PPP2R2B: variants seen among roughly 807,000 people sequenced by gnomAD.
The protein encoded by PPP2R2B is serine/threonine-protein phosphatase 2A 55 kDa regulatory subunit B beta isoform.
PPP2R2B carries 5 observed loss-of-function variants against 46.0 expected under a neutral mutation model. The ratio of observed to expected loss-of-function variants is 0.11; its 90% CI spans 0.06 to 0.23. The LOEUF (loss-of-function observed/expected upper bound fraction) is 0.23. Among genes scored for constraint, PPP2R2B ranks in the 10% least tolerant of loss-of-function variants. The probability of loss-of-function intolerance (pLI) is 1.00; values close to 1 mark genes in which losing one functional copy is unlikely to be tolerated. For synonymous variants in PPP2R2B, 215 were observed against 206.7 expected (o/e 1.04, Z -0.34); for missense variants, 367 against 575.0 (o/e 0.64, Z 3.70).
chr5:146,983,176 A>ATTTTTTTTTTTTTTTTT (rs745692719), intron 1 of PPP2R2B, among the ~76,000 whole-genome samples: 2 of 80,856 alleles, frequency 2.5e-5, no homozygotes, highest in African/African-American at 4.9e-5. Context: ...TTTCCAGAGC[A>ATTTTTTTTTTTTTTTTT]TTTTTTTTTT....
At chr5:146,682,111 G>A (rs67167992) in intron 5 of PPP2R2B, among the ~76,000 whole-genome samples, 2 of 152,086 alleles carry the variant, frequency 1.3e-5, no homozygotes, top group Middle Eastern at 3.4e-3. Context: ...TTATATTTAC[G>A]TCTATGTTGG....
At chr5:146,600,038 ACCATTTGTTTACCTCTATAGTGT>A (rs1771623731) in intron 8 of PPP2R2B, among the ~76,000 whole-genome samples, 1 of 152,162 alleles carries the variant, frequency 6.6e-6, no homozygotes, top group African/African-American at 2.4e-5. Context: ...TGAGAGCAGG[ACCATTTGTTTACCTCTATAGTGT>A]CCATTCCACA....
At chr5:146,672,881 A>C (rs1308989939) in intron 5 of PPP2R2B, among the ~76,000 whole-genome samples, 1 of 152,230 alleles carries the variant, frequency 6.6e-6, no homozygotes, top group Non-Finnish European at 1.5e-5. Flanking sequence ...ATAGGCATGT[A>C]CATTTTTTTG....
In PPP2R2B at chr5:146,590,060, C is replaced by T. The variant is rs772224747; in HGVS notation, c.1219G>A (p.Asp407Asn). Reference sequence around the variant, plus strand: ...ATCTTTTTGCTAAAGTCCAGACTGTCGACACTGATCTCGTCTTTTCTCCGC... The same window carrying T: ...ATCTTTTTGCTAAAGTCCAGACTGTTGACACTGATCTCGTCTTTTCTCCGC... ...GKRRKDEISV[D>N]SLDFSKKILH... Residue 407 changes from aspartate (D) to asparagine (N), a missense_variant, in exon 10 of 10, where the codon GAC (aspartate) becomes AAC (asparagine). By Grantham distance (23) the Asp-to-Asn change is conservative. Around this residue, in one of 2 missense-constraint regions of PPP2R2B, gnomAD observed 361 missense variants for 545.5 expected, o/e 0.66. Coordinates refer to ENST00000394411, the MANE Select transcript of PPP2R2B (RefSeq NM_181675.4). 3 of 1,613,950 alleles carry T rather than the reference C, an allele frequency of 1.9e-6. No homozygotes were observed. The highest frequency in any genetic ancestry group is 2.2e-5 in the South Asian group (2 of 91,086).
chr5:147,007,783 G>A lies in PPP2R2B; in HGVS notation c.79+47882C>T, dbSNP rs184950481. ...TGTAACACTGACTGCGAGGGTCTGC[G>A]GCTTCACTCCTGAAGTCAGCAAGAC... On this transcript the variant is annotated intron_variant, in intron 1 of 8. Transcript: ENST00000336640. 5.9e-5 allele frequency among the ~76,000 whole-genome samples: 9 copies of A among 152,174 alleles called. No individual in the cohort carries two copies. In the East Asian group the frequency reaches 7.7e-4, roughly 13 times the overall value.
intron 8 of PPP2R2B, among the ~76,000 whole-genome samples, chr5:146,598,940 C>A (rs1046826167): frequency 6.6e-6 from 1 of 152,108 alleles, no homozygotes; most frequent in Non-Finnish European, 1.5e-5. Context: ...AAACTAAGAT[C>A]ATTGAATTGT....
At chr5:146,803,039 A>G (rs1756959621) in intron 2 of PPP2R2B, among the ~76,000 whole-genome samples, 1 of 152,202 alleles carries the variant, frequency 6.6e-6, no homozygotes, top group East Asian at 1.9e-4. Flanking sequence ...CAGGGACAAG[A>G]GGAGTGAAAT....
At chr5:146,701,649 G>A (rs1468096955) in intron 2 of PPP2R2B, among the ~76,000 whole-genome samples, 4 of 152,172 alleles carry the variant, frequency 2.6e-5, no homozygotes, top group Non-Finnish European at 4.4e-5. Flanking sequence ...TCTGCCAGTC[G>A]ATAATTCAAG....
intron 2 of PPP2R2B, among the ~76,000 whole-genome samples, chr5:146,788,987 A>G (rs2151291946): frequency 6.6e-6 from 1 of 152,312 alleles, no homozygotes; most frequent in South Asian, 2.1e-4. Context: ...GAATAAAATG[A>G]AAAAAGGGCT....
chr5:146,613,715 CAGAG>C (rs1188192043), intron 7 of PPP2R2B, among the ~76,000 whole-genome samples: 1 of 133,678 alleles, frequency 7.5e-6, no homozygotes, highest in African/African-American at 3.2e-5. Flanking sequence ...AACAGACAAA[CAGAG>C]AGCCAAATCA....
rs368017944 is a variant in PPP2R2B at position 147,046,512 on chromosome 5, T to C, written c.79+9153A>G. On this transcript the variant is annotated intron_variant, in intron 1 of 8. Transcript: ENST00000336640. The stretch of plus-strand genomic sequence containing the variant: ...CTAATGATGGCAATGATTTCACTGC[T>C]GGTGATTTTTCTATTAGTTTTATAA... 9.2e-5 allele frequency among the ~76,000 whole-genome samples: 14 copies of C among 152,318 alleles called. No homozygotes were observed. The South Asian group carries it at 2.9e-3, about 32-fold the overall frequency.
chr5:146,981,706 G>A (rs964151658), intron 1 of PPP2R2B, among the ~76,000 whole-genome samples: 7 of 152,030 alleles, frequency 4.6e-5, no homozygotes, highest in Non-Finnish European at 7.4e-5. Context: ...TCCCCACAAG[G>A]ATCCCTATGC....
intron 1 of PPP2R2B, among the ~76,000 whole-genome samples, chr5:146,945,968 G>A (rs1764467134): frequency 6.6e-6 from 1 of 152,134 alleles, no homozygotes; most frequent in Non-Finnish European, 1.5e-5. Context: ...TATTGGGATT[G>A]TGCAGAGACT....
At chr5:146,649,236 T>C (rs1379489731) in intron 6 of PPP2R2B, among the ~76,000 whole-genome samples, 10 of 152,142 alleles carry the variant, frequency 6.6e-5, no homozygotes, top group African/African-American at 2.2e-4. Context: ...AAACTCCATA[T>C]TGATACCTAG....
At chr5:146,871,526 A>T (rs116663330) in intron 2 of PPP2R2B, among the ~76,000 whole-genome samples, 117 of 152,364 alleles carry the variant, frequency 7.7e-4, no homozygotes, top group Admixed American at 3.5e-3. Context: ...AACAGAAGAA[A>T]TCTACAGGAG....
At chr5:147,069,117 A>G (rs1757499191) in intron 2 of PPP2R2B, among the ~76,000 whole-genome samples, 1 of 152,176 alleles carries the variant, frequency 6.6e-6, no homozygotes, top group African/African-American at 2.4e-5. Context: ...TGATCTCAAC[A>G]ATGCCTTGAA....
intron 9 of PPP2R2B, among the ~76,000 whole-genome samples, chr5:146,591,673 C>CAA (rs375880724): frequency 0.038 from 2,753 of 72,520 alleles, 63 homozygotes; most frequent in African/African-American, 0.093. Flanking sequence ...GATTATTTTC[C>CAA]AAAAAAAAAA....
chr5:146,984,258 T>A (rs1318653880), intron 1 of PPP2R2B, among the ~76,000 whole-genome samples: 1 of 152,140 alleles, frequency 6.6e-6, no homozygotes, highest in Non-Finnish European at 1.5e-5. Context: ...TCCTCCAACC[T>A]CCCACGGTCT....
chr5:146,907,203 A>C (rs370925731), intron 1 of PPP2R2B, among the ~76,000 whole-genome samples: 58 of 23,338 alleles, frequency 2.5e-3, no homozygotes, highest in African/African-American at 7.2e-3. Context: ...GAATTGGCTA[A>C]ATTACATTTT....
Sources: allele counts gnomAD v4.1 joint callset (sites outside exome capture counted in the v4.1 genomes callset), GRCh38; gene constraint gnomAD v4.1.1; regional missense constraint gnomAD v4.1.1; transcripts MANE v1.5; gene names NCBI Gene and HGNC (gene_info 2026-07-23, HGNC 2026-07-21).